Variants in ABCA12 observed in about 807,000 individuals in gnomAD.
The protein encoded by ABCA12 is glucosylceramide transporter ABCA12.
Under a neutral mutation model 293.5 loss-of-function variants are expected in ABCA12, and 156 were observed. The observed-to-expected ratio is 0.53, with a 90% confidence interval of 0.47 to 0.61. The LOEUF (loss-of-function observed/expected upper bound fraction) is 0.61, where lower values mean the gene tolerates loss of function less well. ABCA12 is among the 20% of genes least tolerant of loss of function. The pLI is 0.00. For missense variants in ABCA12, 2,797 were observed against 3,090.2 expected, an observed-to-expected ratio of 0.91 and a Z score of 2.25; for synonymous variants, 1,063 against 1,108.0, an observed-to-expected ratio of 0.96 and a Z score of 0.81.
intron 2 of ABCA12, among the ~76,000 whole-genome samples, chr2:215,110,775 T>C (rs930554943): frequency 6.6e-6 from 1 of 152,228 alleles, no homozygotes; most frequent in Non-Finnish European, 1.5e-5. Context: ...TTCTTTTACA[T>C]AGCAAATTAC....
chr2:215,026,932 T>G lies in ABCA12; in HGVS notation c.1068A>C (p.Leu356=). The G allele has an allele frequency of 6.4e-7, 1 of 1,573,620 alleles. No homozygotes were observed. The highest frequency in any genetic ancestry group is 8.7e-7 in the Non-Finnish European group (1 of 1,143,318). The stretch of plus-strand genomic sequence containing the variant: ...GGGCATCTTCAAAGTTTTCCAGAAT[T>G]AGGAGCCTGCAGAATTAGAAAAGAA... The part of the protein sequence containing the change: ...LSPSSLAAQL[L]ILENFEDALL... The change falls in exon 10 of 53, where the codon CTA becomes CTC. Residue 356 remains leucine, a synonymous_variant. Coordinates refer to ENST00000272895, the MANE Select transcript of ABCA12 (RefSeq NM_173076.3).
chr2:215,130,647 AG>A (rs1345911291), intron 1 of ABCA12, among the ~76,000 whole-genome samples: 9 of 152,102 alleles, frequency 5.9e-5, no homozygotes, highest in Non-Finnish European at 1.0e-4. Flanking sequence ...AGGGTTTTTT[AG>A]GTATATGATC....
chr2:215,075,874 T>C (rs369760150), intron 2 of ABCA12: 2 of 380,752 alleles, frequency 5.3e-6, no homozygotes, highest in East Asian at 5.0e-5. Flanking sequence ...GATCATTGTA[T>C]GGAAAAAAAA....
chr2:214,989,348 A>G lies in ABCA12; in HGVS notation c.3810T>C (p.Tyr1270=), dbSNP rs200530914. The G allele has an allele frequency of 6.2e-7, 1 of 1,613,548 alleles. No individual in the cohort carries two copies. The highest frequency in any genetic ancestry group is 1.3e-5 in the African/African-American group (1 of 74,870). The change falls in exon 26 of 53, where the codon TAT becomes TAC. Residue 1270 remains tyrosine (Y), a synonymous_variant. Coordinates refer to ENST00000272895, the MANE Select transcript of ABCA12 (RefSeq NM_173076.3). ...DSFIYFLIAW[Y]VRNVFPGTYG... is the part of the protein sequence containing the mutation. ...TCATACCTGGGAAGACATTCCTGAC[A>G]TACCAAGCAATAAGGAAATAAATGA...
intron 4 of ABCA12, 23 bp from the exon 5 acceptor site, chr2:215,052,607 T>C (rs1320180460): frequency 6.3e-7 from 1 of 1,579,586 alleles, no homozygotes; most frequent in African/African-American, 1.4e-5. Flanking sequence ...AAGGAACAGA[T>C]TAGCATTCCA....
rs1700390836 is a variant in ABCA12, at chr2:215,012,106, T to C, written c.1986A>G (p.Pro662=). 1 of 1,614,046 alleles carries C rather than the reference T, an allele frequency of 6.2e-7. No individual in the cohort carries two copies. Among genetic ancestry groups the C allele is most frequent in the African/African-American group, 1.3e-5 (1 of 75,066 alleles). The change falls in exon 16 of 53, where the codon CCA becomes CCG. Residue 662 remains proline (P), a synonymous_variant. Coordinates refer to ENST00000272895, the MANE Select transcript of ABCA12 (RefSeq NM_173076.3). ...TGAAGAGCTCCATCATCTTTTCTAC[T>C]GGCTTTTGATCTTTCCTCGGGAAAA... is the stretch of plus-strand genomic sequence containing the variant. ...KVFFPRKDQK[P]VEKMMELFIR...
intron 23 of ABCA12, among the ~76,000 whole-genome samples, chr2:214,993,764 T>C (rs577471785): frequency 1.5e-3 from 232 of 152,358 alleles, no homozygotes; most frequent in African/African-American, 5.3e-3. Context: ...ATAAAGCTGA[T>C]GTCATGTGTA....
intron 1 of ABCA12, among the ~76,000 whole-genome samples, chr2:215,134,535 TGTACATATATAC>T (rs1296085626): frequency 7.3e-6 from 1 of 137,484 alleles, no homozygotes; most frequent in African/African-American, 2.8e-5. Flanking sequence ...TACGTATATA[TGTACATATATAC>T]GTATATGTAT....
At position 214,975,947 on chromosome 2, in the gene ABCA12, G is replaced by T. The variant is rs749595180; in HGVS notation, c.5219C>A (p.Thr1740Asn). ...MAILIKRFHH[T>N]RRNWKGLIAQ... ...AATGAGACCTTTCCAGTTCCTGCGGGTGTGGTGGAACCTCTTGATGAGTAT... is the reference window on the plus strand; with the variant it reads ...AATGAGACCTTTCCAGTTCCTGCGGTTGTGGTGGAACCTCTTGATGAGTAT... Residue 1740 changes from threonine to asparagine, a missense_variant, in exon 34 of 53, where the codon ACC (threonine) becomes AAC (asparagine). Around this residue, in one of 3 missense-constraint regions of ABCA12, gnomAD observed 2,130 missense variants for 2,427.0 expected, o/e 0.88. Transcript: ENST00000272895. The T allele has an allele frequency of 2.5e-6, 4 of 1,614,118 alleles. No individual in the cohort carries two copies. The highest frequency in any genetic ancestry group is 3.4e-6 in the Non-Finnish European group (4 of 1,179,980).
At chr2:215,083,990 T>C (rs1701991595) in intron 2 of ABCA12, among the ~76,000 whole-genome samples, 1 of 152,186 alleles carries the variant, frequency 6.6e-6, no homozygotes, top group African/African-American at 2.4e-5. Flanking sequence ...ATAGCAATTT[T>C]TTTTTGAGAC....
intron 27 of ABCA12, 64 bp downstream of exon 27, chr2:214,987,583 C>G: frequency 1.3e-6 from 2 of 1,563,224 alleles, no homozygotes; most frequent in Admixed American, 1.9e-5. Context: ...ATTGAAACTA[C>G]TAGTCATGTA....
At chr2:214,966,067 G>A (rs188580024) in intron 39 of ABCA12, among the ~76,000 whole-genome samples, 347 of 152,268 alleles carry the variant, frequency 2.3e-3, no homozygotes, top group Non-Finnish European at 3.4e-3. Flanking sequence ...AAAAAGGAAC[G>A]AGATCATGTC....
At position 214,954,085 on chromosome 2, in the gene ABCA12, G is replaced by A. The variant is rs747323347; in HGVS notation, c.6416C>T (p.Thr2139Ile). 10 of 1,613,680 alleles carry A rather than the reference G, an allele frequency of 6.2e-6. No homozygotes were observed. In the African/African-American group the frequency reaches 1.1e-4, roughly 17 times the overall value. Residue 2139 changes from threonine to isoleucine, a missense_variant, in exon 44 of 53, where the codon ACC becomes ATC. Transcript: ENST00000272895. Reference protein sequence around the residue: ...NDPTLELISETLKRIFLIFPQ... With the variant: ...NDPTLELISEILKRIFLIFPQ... ...GAAAATCAGGAAAATGCGCTTGAGG[G>A]TTTCAGAAATAAGTTCTAAAGTCTG...
rs1702090336 is a variant in ABCA12, at chr2:215,088,999, T to C, written c.163+22598A>G. On this transcript the variant is annotated intron_variant, in intron 2 of 52. Coordinates refer to ENST00000272895, the MANE Select transcript of ABCA12 (RefSeq NM_173076.3). ...CCTCCCTCCATTTAATAAATATTTATTGAACATCTGATAAATGCCAGGCAC... is the reference window on the plus strand; with the variant it reads ...CCTCCCTCCATTTAATAAATATTTACTGAACATCTGATAAATGCCAGGCAC... Among the ~76,000 whole-genome samples, 6 of 152,152 alleles carry C rather than the reference T, an allele frequency of 3.9e-5. No individual in the cohort carries two copies. The South Asian group carries it at 1.2e-3, about 31-fold the overall frequency.
At chr2:215,016,545 T>C (rs992510330) in intron 14 of ABCA12, among the ~76,000 whole-genome samples, 3 of 111,246 alleles carry the variant, frequency 2.7e-5, no homozygotes, top group African/African-American at 1.0e-4. Flanking sequence ...ATTGTACCAC[T>C]GCACTCCAGC....
At chr2:215,116,816 G>T (rs527454274) in intron 1 of ABCA12, among the ~76,000 whole-genome samples, 25 of 152,164 alleles carry the variant, frequency 1.6e-4, no homozygotes, top group Non-Finnish European at 1.0e-4. Context: ...AAAAAATAAA[G>T]AAACAACTGA....
At position 214,997,753 on chromosome 2, in the gene ABCA12, A is replaced by G; in HGVS notation, c.3236T>C (p.Val1079Ala). 6.2e-7 allele frequency: 1 copy of G among 1,613,722 alleles called. No individual in the cohort carries two copies. Among genetic ancestry groups the G allele is most frequent in the East Asian group, 2.2e-5 (1 of 44,784 alleles). Residue 1079 changes from valine to alanine, a missense_variant, in exon 23 of 53, where the codon GTA (valine) becomes GCA (alanine). Physicochemically the swap from Val to Ala is moderately conservative, Grantham distance 64 (BLOSUM62 0). Transcript: ENST00000272895. The stretch of plus-strand genomic sequence containing the variant: ...CTTTTTTACAAAGGCAGCTATAAAT[A>G]CAACCCAGGCAACCATAAGCACAAT... ...LPIVLMVAWV[V>A]FIAAFVKKLV...
At chr2:215,070,749 T>C (rs1701721229) in intron 2 of ABCA12, among the ~76,000 whole-genome samples, 1 of 151,604 alleles carries the variant, frequency 6.6e-6, no homozygotes, top group African/African-American at 2.4e-5. Flanking sequence ...AAAGAGAGAG[T>C]ATGTGAATCT....
At chr2:215,070,142 T>G (rs539754023) in intron 2 of ABCA12, among the ~76,000 whole-genome samples, 104 of 121,996 alleles carry the variant, frequency 8.5e-4, no homozygotes, top group African/African-American at 3.2e-3. Context: ...TAGACAGATT[T>G]AAATGATTAA....
Sources: allele counts gnomAD v4.1 joint callset (sites outside exome capture counted in the v4.1 genomes callset), GRCh38; gene constraint gnomAD v4.1.1; regional missense constraint gnomAD v4.1.1; transcripts MANE v1.5; gene names NCBI Gene and HGNC (gene_info 2026-07-23, HGNC 2026-07-21).